Variants in CCDC141 observed in about 807,000 individuals in gnomAD.
CCDC141 encodes the protein coiled-coil domain containing 141.
Under a neutral mutation model 181.0 loss-of-function variants are expected in CCDC141, and 168 were observed. The ratio of observed to expected loss-of-function variants is 0.93; its 90% CI spans 0.82 to 1.05. CCDC141 has a LOEUF of 1.05. Ranked by LOEUF, CCDC141 falls within the 50% of genes least tolerant of loss-of-function variation. CCDC141 has a pLI of 0.00. For missense variants in CCDC141, 1,902 were observed against 1,788.5 expected (o/e 1.06, Z -1.14); for synonymous variants, 666 against 642.3 (o/e 1.04, Z -0.56).
intron 6 of CCDC141, among the ~76,000 whole-genome samples, chr2:178,936,778 T>C (rs1055895719): frequency 1.3e-5 from 2 of 152,128 alleles, no homozygotes; most frequent in Non-Finnish European, 2.9e-5. Context: ...CTTTGGGCAG[T>C]GTTCCCTAAT....
At chr2:178,908,227 G>A (rs13021413) in intron 7 of CCDC141, among the ~76,000 whole-genome samples, 42,151 of 151,878 alleles carry the variant, frequency 0.28, 7,645 homozygotes, top group Non-Finnish European at 0.41. Flanking sequence ...ACAGAGTCTC[G>A]CTCTGCCGCC....
At chr2:178,904,111 G>A (rs1392139075) in intron 8 of CCDC141, among the ~76,000 whole-genome samples, 2 of 152,288 alleles carry the variant, frequency 1.3e-5, no homozygotes, top group Non-Finnish European at 2.9e-5. Context: ...GTTCCTGGAT[G>A]GGAGGAAACA....
intron 2 of CCDC141, among the ~76,000 whole-genome samples, chr2:179,045,467 A>G (rs2043464741): frequency 6.6e-6 from 1 of 152,182 alleles, no homozygotes; most frequent in African/African-American, 2.4e-5. Context: ...GAGCTGCAAT[A>G]AACATACGTG....
downstream of CCDC141, among the ~76,000 whole-genome samples, chr2:178,827,081 C>A (rs6738484): frequency 0.017 from 2,631 of 152,118 alleles, 74 homozygotes; most frequent in African/African-American, 0.06. Context: ...TTCAAAATAT[C>A]TAAAAATCCT....
At chr2:179,011,381 C>A (rs2042266201) in intron 2 of CCDC141, among the ~76,000 whole-genome samples, 1 of 152,134 alleles carries the variant, frequency 6.6e-6, no homozygotes, top group Non-Finnish European at 1.5e-5. Flanking sequence ...CAAAGAAGGA[C>A]ATTATATAAT....
chr2:178,938,794 A>T (rs183358950), intron 6 of CCDC141, among the ~76,000 whole-genome samples: 2 of 152,216 alleles, frequency 1.3e-5, no homozygotes, highest in Admixed American at 1.3e-4. Flanking sequence ...GATGTAATGT[A>T]TCCAAGGTAT....
In CCDC141 at chr2:179,050,036, C is replaced by G; in HGVS notation, c.-95G>C. The G allele has an allele frequency of 6.5e-7, 1 of 1,530,238 alleles. No individual in the cohort carries two copies. Among genetic ancestry groups the G allele is most frequent in the Non-Finnish European group, 8.8e-7 (1 of 1,136,452 alleles). 94.8% of individuals were successfully genotyped at this position (1,530,238 alleles called of 1,614,324 possible). A position where few individuals can be genotyped will look rare whatever the true frequency, so the allele number is the denominator to read the frequency against. Reference sequence around the variant, plus strand: ...AAGGCCAGGGTTACTTGGATTCATTCAGGGAAAGAGCTCAGCTCACACTGA... The same window carrying G: ...AAGGCCAGGGTTACTTGGATTCATTGAGGGAAAGAGCTCAGCTCACACTGA... On this transcript the variant is annotated 5_prime_UTR_variant, in exon 1 of 24. Coordinates refer to ENST00000443758, the MANE Select transcript of CCDC141 (RefSeq NM_173648.4).
intron 17 of CCDC141, among the ~76,000 whole-genome samples, chr2:178,865,008 T>C (rs953510210): frequency 3.3e-4 from 50 of 152,294 alleles, no homozygotes; most frequent in African/African-American, 1.1e-3. Context: ...AATCTGTGAG[T>C]TGTTTTCTCC....
In CCDC141 at chr2:178,850,121, T is replaced by G. The variant is rs774451605; in HGVS notation, c.3285A>C (p.Thr1095=). ...CAGATTCAAGAACCTCTTTGTGTTT[T>G]GTCACTATTTTCTCAATATATTTCT... ...EGQKYIEKIV[T]KHKEVLESVT... is the part of the protein sequence containing the mutation. Residue 1095 remains threonine (T), a synonymous_variant, in exon 21 of 24, where the codon ACA becomes ACC. Coordinates refer to ENST00000443758, the MANE Select transcript of CCDC141 (RefSeq NM_173648.4). 2 of 1,611,588 alleles carry G rather than the reference T, an allele frequency of 1.2e-6. No homozygotes were observed. The highest frequency in any genetic ancestry group is 1.7e-6 in the Non-Finnish European group (2 of 1,178,244).
At chr2:178,991,863 A>T (rs1005566299) in intron 2 of CCDC141, among the ~76,000 whole-genome samples, 2 of 151,826 alleles carry the variant, frequency 1.3e-5, no homozygotes, top group East Asian at 3.8e-4. Context: ...ATTAAGATTG[A>T]GGGCTATAAA....
chr2:178,954,190 G>C (rs566724877), intron 5 of CCDC141, among the ~76,000 whole-genome samples: 1 of 152,248 alleles, frequency 6.6e-6, no homozygotes, highest in East Asian at 1.9e-4. Context: ...TCTCACTTAT[G>C]CCTGATTGGA....
intron 4 of CCDC141, among the ~76,000 whole-genome samples, chr2:178,966,929 A>T (rs1690665761): frequency 6.6e-6 from 1 of 151,244 alleles, no homozygotes. Context: ...GAGCTGAAAA[A>T]CACAGCAGGA....
chr2:178,854,841 C>T (rs1685316341), intron 19 of CCDC141, among the ~76,000 whole-genome samples: 1 of 152,196 alleles, frequency 6.6e-6, no homozygotes. Context: ...CAAACAATAA[C>T]TTTAACTTGC....
intron 11 of CCDC141, among the ~76,000 whole-genome samples, chr2:178,880,102 T>C: frequency 6.6e-6 from 1 of 152,134 alleles, no homozygotes; most frequent in African/African-American, 2.4e-5. Context: ...ATAGGCTGGG[T>C]GTCAATATTA....
intron 7 of CCDC141, among the ~76,000 whole-genome samples, chr2:178,916,100 C>A (rs865822893): frequency 2.0e-5 from 3 of 151,980 alleles, no homozygotes; most frequent in African/African-American, 7.3e-5. Context: ...AATCTCAAAC[C>A]CCTCACAGTT....
chr2:178,904,527 G>A (rs1041187686), intron 8 of CCDC141, among the ~76,000 whole-genome samples: 11 of 152,116 alleles, frequency 7.2e-5, no homozygotes, highest in Admixed American at 6.5e-4. Flanking sequence ...ATGTCTTTGA[G>A]GTTTCAAGGA....
At chr2:178,881,232 T>C (rs1192488360) in intron 11 of CCDC141, among the ~76,000 whole-genome samples, 3 of 152,174 alleles carry the variant, frequency 2.0e-5, no homozygotes, top group Non-Finnish European at 4.4e-5. Flanking sequence ...GCACAGAAAG[T>C]AGTCAGTACT....
chr2:178,931,145 T>C (rs958186075), intron 6 of CCDC141, among the ~76,000 whole-genome samples: 1 of 152,108 alleles, frequency 6.6e-6, no homozygotes, highest in Non-Finnish European at 1.5e-5. Flanking sequence ...CTATGACGAC[T>C]ATAAAAATCA....
chr2:178,942,346 G>A (rs1318345952), intron 6 of CCDC141, among the ~76,000 whole-genome samples: 3 of 152,130 alleles, frequency 2.0e-5, no homozygotes, highest in Non-Finnish European at 2.9e-5. Context: ...ATCAAGCCAT[G>A]AAAAGATATA....
Sources: allele counts gnomAD v4.1 joint callset (sites outside exome capture counted in the v4.1 genomes callset), GRCh38; gene constraint gnomAD v4.1.1; transcripts MANE v1.5; gene names NCBI Gene and HGNC (gene_info 2026-07-23, HGNC 2026-07-21).